The following MGAT4C variants were observed in gnomAD, a reference collection of about 807,000 sequenced individuals.
MGAT4C encodes MGAT4 family member C.
In MGAT4C, 19 loss-of-function variants were observed where a neutral mutation model predicts 40.1. The observed-to-expected ratio is 0.47, with a 90% CI of 0.33 to 0.70. The LOEUF (loss-of-function observed/expected upper bound fraction) is 0.70. MGAT4C is among the 30% of genes least tolerant of loss of function. The pLI is 0.02. For synonymous variants in MGAT4C, 181 were observed against 187.1 expected (o/e 0.97, Z 0.27); for missense variants, 491 against 563.2 (o/e 0.87, Z 1.30).
intron 2 of MGAT4C, among the ~76,000 whole-genome samples, chr12:86,692,083 G>A (rs1950182987): frequency 6.6e-6 from 1 of 152,034 alleles, no homozygotes; most frequent in Non-Finnish European, 1.5e-5. Context: ...AAAGCATGAA[G>A]AGAAATTTTT....
At position 86,466,540 on chromosome 12, in the gene MGAT4C, G is replaced by A. The variant is rs532731252; in HGVS notation, c.-228-31275C>T. ...CAGGTGATTGCCAGAGTGTTGTGTGGGAGAGGGATGAATAGGCAGAACACA... is the reference window on the plus strand; with the variant it reads ...CAGGTGATTGCCAGAGTGTTGTGTGAGAGAGGGATGAATAGGCAGAACACA... On this transcript the variant is annotated intron_variant, in intron 2 of 7. Transcript: ENST00000548651. 5.3e-5 allele frequency among the ~76,000 whole-genome samples: 8 copies of A among 152,270 alleles called. No homozygotes were observed. In the East Asian group the frequency reaches 1.5e-3, roughly 29 times the overall value.
chr12:86,349,164 A>G (rs1475995933), intron 3 of MGAT4C, among the ~76,000 whole-genome samples: 2 of 152,160 alleles, frequency 1.3e-5, no homozygotes, highest in Admixed American at 1.3e-4. Context: ...ATTAACTAAC[A>G]AAGAACTGGG....
chr12:86,639,141 A>C (rs932097388), intron 2 of MGAT4C, among the ~76,000 whole-genome samples: 1 of 151,716 alleles, frequency 6.6e-6, no homozygotes, highest in East Asian at 1.9e-4. Flanking sequence ...TCTGTTGCAC[A>C]ATGTCATTTA....
chr12:86,460,923 T>C (rs1957588864), intron 2 of MGAT4C, among the ~76,000 whole-genome samples: 1 of 152,174 alleles, frequency 6.6e-6, no homozygotes, highest in Non-Finnish European at 1.5e-5. Context: ...TCTTATTTTA[T>C]TCAGGAGGTG....
chr12:86,509,524 G>T (rs536637819), intron 2 of MGAT4C, among the ~76,000 whole-genome samples: 2 of 152,242 alleles, frequency 1.3e-5, no homozygotes, highest in South Asian at 4.1e-4. Flanking sequence ...TTTTGGCTTA[G>T]GATTGACTTG....
In MGAT4C at chr12:86,373,806, C is replaced by T. The variant is rs536099923; in HGVS notation, c.-119-39679G>A. The stretch of plus-strand genomic sequence containing the variant: ...TTTAGTGGGCAATATCCATTGAACA[C>T]CACCACCAAAATTGTTGTTTTCTCA... On this transcript the variant is annotated intron_variant, in intron 3 of 7. Coordinates refer to the MGAT4C transcript ENST00000548651. Among the ~76,000 whole-genome samples the T allele has an allele frequency of 2.0e-5, 3 of 152,056 alleles. No individual in the cohort carries two copies. In the South Asian group the frequency reaches 6.2e-4, roughly 31 times the overall value.
At chr12:86,164,145 T>A (rs879715036) in intron 1 of MGAT4C, among the ~76,000 whole-genome samples, 14 of 152,094 alleles carry the variant, frequency 9.2e-5, no homozygotes, top group Non-Finnish European at 1.6e-4. Context: ...ACAGAAGGTT[T>A]ATAGAGAGTT....
chr12:86,467,305 T>G (rs1233780858), intron 2 of MGAT4C, among the ~76,000 whole-genome samples: 3 of 152,126 alleles, frequency 2.0e-5, no homozygotes, highest in Non-Finnish European at 4.4e-5. Context: ...AAAGAAATAT[T>G]TCTTAGAGGA....
chr12:86,607,330 A>G (rs528062275), intron 2 of MGAT4C, among the ~76,000 whole-genome samples: 3 of 152,092 alleles, frequency 2.0e-5, no homozygotes, highest in Non-Finnish European at 4.4e-5. Context: ...AAAAATAAGT[A>G]TAAAAATAGT....
At chr12:86,539,438 G>C (rs1441912426) in intron 2 of MGAT4C, among the ~76,000 whole-genome samples, 1 of 152,288 alleles carries the variant, frequency 6.6e-6, no homozygotes, top group East Asian at 1.9e-4. Context: ...GGACATTTGG[G>C]TTGGTTCCAA....
At chr12:86,153,969 T>G (rs746086107) in intron 1 of MGAT4C, among the ~76,000 whole-genome samples, 12 of 152,188 alleles carry the variant, frequency 7.9e-5, no homozygotes, top group Non-Finnish European at 1.2e-4. Context: ...TAGATTATGA[T>G]GTTATAGATA....
chr12:86,144,234 T>G (rs1330931492), intron 1 of MGAT4C, among the ~76,000 whole-genome samples: 1 of 152,238 alleles, frequency 6.6e-6, no homozygotes, highest in Non-Finnish European at 1.5e-5. Context: ...ATATTTTTTA[T>G]TTCAGCTTTA....
At chr12:86,228,509 C>A (rs1951186925) in intron 1 of MGAT4C, among the ~76,000 whole-genome samples, 1 of 151,780 alleles carries the variant, frequency 6.6e-6, no homozygotes, top group Non-Finnish European at 1.5e-5. Flanking sequence ...AGAGTTTGTG[C>A]AGCTTTCAAT....
chr12:86,278,178 C>CTTTTTT lies in MGAT4C; in HGVS notation c.-57+55881_-57+55886dup, dbSNP rs57981698. Among the ~76,000 whole-genome samples, 509 of 99,876 alleles carry CTTTTTT rather than the reference C, an allele frequency of 5.1e-3. 29 individuals are homozygous for CTTTTTT. The highest frequency in any genetic ancestry group is 6.4e-3 in the Non-Finnish European group (336 of 52,422). The allele number at this position is 99,876 out of a possible 152,430, so 65.5% of individuals were successfully genotyped here. ...GAAATGGGATTAGTTTGTTGACTTC[C>CTTTTTT]TTTTTTTTTTTTTTTTTTAAGATGG... On this transcript the variant is annotated intron_variant, in intron 4 of 7. Coordinates refer to the MGAT4C transcript ENST00000548651.
intron 1 of MGAT4C, among the ~76,000 whole-genome samples, chr12:86,211,621 A>G (rs958463949): frequency 1.3e-5 from 2 of 151,730 alleles, no homozygotes; most frequent in Non-Finnish European, 2.9e-5. Context: ...ACCAATAAAC[A>G]AAATAAAAGC....
intron 2 of MGAT4C, among the ~76,000 whole-genome samples, chr12:86,686,523 T>C (rs1950074806): frequency 6.6e-6 from 1 of 152,176 alleles, no homozygotes; most frequent in African/African-American, 2.4e-5. Context: ...AATACCTAGT[T>C]TTTGAGTGTT....
chr12:86,821,375 T>G (rs766373613), intron 1 of MGAT4C, among the ~76,000 whole-genome samples: 6 of 150,878 alleles, frequency 4.0e-5, no homozygotes, highest in Non-Finnish European at 8.9e-5. Context: ...TTTTTATGGA[T>G]GCATAATTTT....
At chr12:86,680,038 TC>T (rs1194837364) in intron 2 of MGAT4C, among the ~76,000 whole-genome samples, 1 of 151,946 alleles carries the variant, frequency 6.6e-6, no homozygotes, top group African/African-American at 2.4e-5. Flanking sequence ...CCTCTTTCTA[TC>T]CCCTTTTCTG....
chr12:86,523,083 G>A (rs1025195907), intron 2 of MGAT4C, among the ~76,000 whole-genome samples: 3 of 151,836 alleles, frequency 2.0e-5, no homozygotes, highest in African/African-American at 4.8e-5. Context: ...GGTTTTCTGT[G>A]TCTCAATCTC....
Sources: allele counts gnomAD v4.1 joint callset (sites outside exome capture counted in the v4.1 genomes callset), GRCh38; gene constraint gnomAD v4.1.1; transcripts MANE v1.5; gene names NCBI Gene and HGNC (gene_info 2026-07-23, HGNC 2026-07-21).